The following ARFGEF3 variants were observed in gnomAD, a reference collection of about 807,000 sequenced individuals.
The protein encoded by ARFGEF3 is ARFGEF family member 3, also known as brefeldin A-inhibited guanine nucleotide-exchange protein 3.
ARFGEF3 carries 96 observed loss-of-function variants against 221.7 expected under a neutral mutation model. That is an observed-to-expected ratio of 0.43 (90% CI 0.37 to 0.51). The LOEUF is 0.51. Ranked by LOEUF, ARFGEF3 falls within the 20% of genes least tolerant of loss-of-function variation. ARFGEF3 has a pLI of 0.00. For synonymous variants in ARFGEF3, 1,145 were observed against 1,126.8 expected, an observed-to-expected ratio of 1.02 and a Z score of -0.32; for missense variants, 2,410 against 2,789.9, an observed-to-expected ratio of 0.86 and a Z score of 3.07.
intron 3 of ARFGEF3, 85 bp downstream of exon 3, chr6:138,207,208 T>C (rs367982544): frequency 1.1e-4 from 105 of 985,372 alleles, no homozygotes; most frequent in Non-Finnish European, 1.6e-4. Context: ...ACATTTTAAA[T>C]ACTGGCTGTT....
At chr6:138,247,303 C>T (rs545613815) in intron 8 of ARFGEF3, among the ~76,000 whole-genome samples, 103 of 152,300 alleles carry the variant, frequency 6.8e-4, no homozygotes, top group African/African-American at 2.0e-3. Flanking sequence ...CCAACTGCAG[C>T]GACCCCATCT....
chr6:138,192,188 T>C (rs1003251073), intron 2 of ARFGEF3, among the ~76,000 whole-genome samples: 2 of 152,196 alleles, frequency 1.3e-5, no homozygotes, highest in Admixed American at 1.3e-4. Flanking sequence ...TGAGCCTCTT[T>C]ACAGAAATCA....
chr6:138,245,244 G>T (rs1778464155), intron 7 of ARFGEF3, among the ~76,000 whole-genome samples: 1 of 152,210 alleles, frequency 6.6e-6, no homozygotes, highest in East Asian at 1.9e-4. Context: ...GGAGGTTGCA[G>T]TGAGCCAAGA....
chr6:138,179,738 A>G (rs1219253255), intron 2 of ARFGEF3, among the ~76,000 whole-genome samples: 2 of 152,142 alleles, frequency 1.3e-5, no homozygotes, highest in Admixed American at 1.3e-4. Context: ...GCATTGATCT[A>G]TTTTAGTGCT....
Position 138,311,221 on chromosome 6 carries a change from A to G in ARFGEF3, c.4097-186A>G, listed in dbSNP as rs1240767059. ...AACTGTATTTAACATGTGCACATGC[A>G]GCTGGGAGAATGGCTGAAAGGATTT... On this transcript the variant is annotated intron_variant, in intron 24 of 33. Transcript: ENST00000251691. Among the ~76,000 whole-genome samples the G allele has an allele frequency of 2.6e-5, 4 of 152,252 alleles. No individual in the cohort carries two copies. In the East Asian group the frequency reaches 7.7e-4, roughly 29 times the overall value.
intron 10 of ARFGEF3, among the ~76,000 whole-genome samples, chr6:138,261,236 C>G (rs1328695093): frequency 6.6e-6 from 1 of 152,144 alleles, no homozygotes; most frequent in African/African-American, 2.4e-5. Flanking sequence ...GAACAGAGAT[C>G]CAAGTGTTTT....
At chr6:138,301,181 G>A (rs1282733999) in intron 22 of ARFGEF3, among the ~76,000 whole-genome samples, 9 of 152,146 alleles carry the variant, frequency 5.9e-5, no homozygotes, top group African/African-American at 9.7e-5. Flanking sequence ...AACCTTCCCC[G>A]CAAAAATCAA....
At chr6:138,251,383 AG>A (rs1436301686) in intron 8 of ARFGEF3, among the ~76,000 whole-genome samples, 1 of 152,244 alleles carries the variant, frequency 6.6e-6, no homozygotes, top group Non-Finnish European at 1.5e-5. Context: ...GTGATTGGTC[AG>A]AATGATTAAC....
chr6:138,212,745 A>G (rs1420934537), intron 4 of ARFGEF3, among the ~76,000 whole-genome samples: 1 of 152,198 alleles, frequency 6.6e-6, no homozygotes, highest in Non-Finnish European at 1.5e-5. Context: ...ATGAAGCTGA[A>G]AACCATCATT....
At chr6:138,201,585 C>T (rs912639498) in intron 2 of ARFGEF3, among the ~76,000 whole-genome samples, 9 of 152,174 alleles carry the variant, frequency 5.9e-5, no homozygotes, top group Non-Finnish European at 8.8e-5. Flanking sequence ...AACCACACAT[C>T]GTATGTTCCC....
intron 2 of ARFGEF3, among the ~76,000 whole-genome samples, chr6:138,181,421 T>C (rs1395703808): frequency 6.6e-6 from 1 of 152,214 alleles, no homozygotes; most frequent in Admixed American, 6.5e-5. Context: ...TTTTGTTTCT[T>C]AGGCTTCTTC....
At chr6:138,233,670 C>T (rs1259049926) in intron 5 of ARFGEF3, among the ~76,000 whole-genome samples, 2 of 152,158 alleles carry the variant, frequency 1.3e-5, no homozygotes, top group African/African-American at 4.8e-5. Flanking sequence ...AGCCACCGTA[C>T]CCGGCCAATA....
intron 4 of ARFGEF3, among the ~76,000 whole-genome samples, chr6:138,215,338 G>C (rs1777821422): frequency 6.6e-6 from 1 of 152,164 alleles, no homozygotes; most frequent in Admixed American, 6.5e-5. Flanking sequence ...TTGGCGATAA[G>C]GAAGGAGATG....
chr6:138,243,719 G>GAA (rs66483625), intron 7 of ARFGEF3, among the ~76,000 whole-genome samples: 4,362 of 149,518 alleles, frequency 0.029, 242 homozygotes, highest in African/African-American at 0.1. Context: ...GAGGAGGAGG[G>GAA]AAAAAAAAAG....
chr6:138,272,545 A>T (rs1779022718), intron 12 of ARFGEF3, among the ~76,000 whole-genome samples: 1 of 152,262 alleles, frequency 6.6e-6, no homozygotes, highest in African/African-American at 2.4e-5. Flanking sequence ...TTTAAAATTC[A>T]CATTAAAATG....
chr6:138,200,921 A>G (rs957833543), intron 2 of ARFGEF3, among the ~76,000 whole-genome samples: 3 of 152,248 alleles, frequency 2.0e-5, no homozygotes, highest in African/African-American at 4.8e-5. Flanking sequence ...TTCACAATCT[A>G]TACATCTGAC....
intron 22 of ARFGEF3, among the ~76,000 whole-genome samples, chr6:138,306,890 T>A (rs1779734160): frequency 1.4e-5 from 2 of 146,106 alleles, no homozygotes; most frequent in Admixed American, 6.9e-5. Flanking sequence ...GTAAAACTTT[T>A]AAAAAGTCCA....
rs745887384 is a variant in ARFGEF3 at position 138,182,856 on chromosome 6, A to G, written c.137+12143A>G. Among the ~76,000 whole-genome samples the G allele has an allele frequency of 1.7e-4, 26 of 152,202 alleles. 1 individual carries two copies. Among genetic ancestry groups the G allele is most frequent in the Non-Finnish European group, 5.9e-5 (4 of 68,038 alleles). On this transcript the variant is annotated intron_variant, in intron 2 of 33. Transcript: ENST00000251691. ...GGATAGGGCTCATTTTTAGGCCTAAAGGAATCCTTCTAGAATATTTTAAGT... is the reference window on the plus strand; with the variant it reads ...GGATAGGGCTCATTTTTAGGCCTAAGGGAATCCTTCTAGAATATTTTAAGT...
intron 2 of ARFGEF3, among the ~76,000 whole-genome samples, chr6:138,179,969 C>G (rs1777046120): frequency 6.6e-6 from 1 of 152,108 alleles, no homozygotes; most frequent in Non-Finnish European, 1.5e-5. Flanking sequence ...GGCACCATGC[C>G]CAGTTAATTT....
Sources: gnomAD v4.1 joint callset for allele counts (sites outside exome capture counted in the v4.1 genomes callset) on GRCh38, gnomAD v4.1.1 for gene constraint, MANE v1.5 for transcripts, NCBI Gene and HGNC (gene_info 2026-07-23, HGNC 2026-07-21) for gene names.